The following STXBP3 variants were observed in gnomAD, a reference collection of about 807,000 sequenced individuals.
The protein encoded by STXBP3 is syntaxin-binding protein 3.
In STXBP3, 41 loss-of-function variants were observed where a neutral mutation model predicts 85.7. That is an observed-to-expected ratio of 0.48 (90% confidence interval 0.37 to 0.62). The LOEUF is 0.62. Among genes scored for constraint, STXBP3 ranks in the 20% least tolerant of loss-of-function variants. The probability of loss-of-function intolerance (pLI) is 0.00; values close to 1 mark genes in which losing one functional copy is unlikely to be tolerated. For synonymous variants in STXBP3, 229 were observed against 231.7 expected (o/e 0.99, Z 0.10); for missense variants, 563 against 703.1 (o/e 0.80, Z 2.25).
intron 6 of STXBP3, among the ~76,000 whole-genome samples, chr1:108,765,591 T>TC (rs796776386): frequency 8.2e-6 from 1 of 122,654 alleles, no homozygotes. Context: ...TTTTTTTTTT[T>TC]TGAGACGGAG....
In STXBP3 at chr1:108,793,617, G is replaced by T; in HGVS notation, c.999G>T (p.Lys333Asn). The T allele has an allele frequency of 6.2e-7, 1 of 1,612,274 alleles. No individual in the cohort carries two copies. The highest frequency in any genetic ancestry group is 8.5e-7 in the Non-Finnish European group (1 of 1,178,902). The change falls in exon 12 of 19, where the codon AAG (lysine) becomes AAT (asparagine). Residue 333 changes from lysine (K) to asparagine (N), a missense_variant. Coordinates refer to ENST00000370008, the MANE Select transcript of STXBP3 (RefSeq NM_007269.4). ...SLSALTQLMK[K>N]MPHFRKQITK... ...GTGCTCTTACCCAGCTGATGAAAAA[G>T]ATGCCCCATTTCCGAAAACAGATTA...
chr1:108,778,690 T>TTATA (rs5776947), intron 8 of STXBP3, among the ~76,000 whole-genome samples: 110,289 of 151,910 alleles, frequency 0.73, 41,070 homozygotes, highest in African/African-American at 0.78. Context: ...TATTCATAAT[T>TTATA]TAAGTTTTAG....
chr1:108,762,837 C>T (rs1344217155), intron 6 of STXBP3, among the ~76,000 whole-genome samples: 2 of 152,180 alleles, frequency 1.3e-5, no homozygotes, highest in Non-Finnish European at 2.9e-5. Context: ...CTCAGCATCA[C>T]ATGCCAACCA....
chr1:108,778,402 T>C (rs1385224745), intron 8 of STXBP3, among the ~76,000 whole-genome samples: 1 of 152,210 alleles, frequency 6.6e-6, no homozygotes, highest in Non-Finnish European at 1.5e-5. Flanking sequence ...AAGGCTTTCA[T>C]TGTGATTTAT....
intron 5 of STXBP3, 63 bp from the exon 6 acceptor site, chr1:108,759,922 T>G: frequency 1.0e-6 from 1 of 988,708 alleles, no homozygotes; most frequent in Non-Finnish European, 1.5e-6. Flanking sequence ...GATGTTGGAA[T>G]GATTTATTTA....
chr1:108,776,984 G>A (rs943116275), intron 8 of STXBP3, among the ~76,000 whole-genome samples: 6 of 152,102 alleles, frequency 3.9e-5, no homozygotes, highest in Non-Finnish European at 8.8e-5. Context: ...TTTAATAAAT[G>A]GCAGCCATTG....
chr1:108,781,367 C>G (rs1452897753), intron 9 of STXBP3: 1 of 152,134 alleles, frequency 6.6e-6, no homozygotes, highest in African/African-American at 2.4e-5. Flanking sequence ...CTGATCTTGA[C>G]TCAGGAAATC....
intron 8 of STXBP3, among the ~76,000 whole-genome samples, chr1:108,779,018 T>C (rs1662656293): frequency 6.6e-6 from 1 of 152,212 alleles, no homozygotes; most frequent in African/African-American, 2.4e-5. Flanking sequence ...AGTTATTAAA[T>C]ATACCCTCTT....
intron 11 of STXBP3, among the ~76,000 whole-genome samples, chr1:108,789,945 G>A (rs1201512036): frequency 1.3e-5 from 2 of 150,330 alleles, no homozygotes; most frequent in African/African-American, 4.9e-5. Flanking sequence ...ACACACCTGT[G>A]GCTCCAGCTA....
chr1:108,792,870 TC>T lies in STXBP3; in HGVS notation c.964-709del, dbSNP rs539525906. ...TTTTGCACTGAGTCCTAAGGCATAGTCCCAGGACTGAATGTGTAGGATGTTC... is the reference window on the plus strand; with the variant it reads ...TTTTGCACTGAGTCCTAAGGCATAGTCCAGGACTGAATGTGTAGGATGTTC... On this transcript the variant is annotated intron_variant, in intron 11 of 18. Coordinates refer to ENST00000370008, the MANE Select transcript of STXBP3 (RefSeq NM_007269.4). Among the ~76,000 whole-genome samples, 55 of 152,316 alleles carry T rather than the reference TC, an allele frequency of 3.6e-4. 1 individual carries two copies. In the East Asian group the frequency reaches 9.8e-3, roughly 27 times the overall value.
At chr1:108,767,487 T>A (rs1464352162) in intron 6 of STXBP3, 1 of 185,640 alleles carries the variant, frequency 5.4e-6, no homozygotes, top group Non-Finnish European at 1.1e-5. Flanking sequence ...TTGTAAGAGC[T>A]TTATTGCCTC....
intron 16 of STXBP3, among the ~76,000 whole-genome samples, 172 bp from the exon 17 acceptor site, chr1:108,800,048 T>C (rs923654151): frequency 6.6e-6 from 1 of 152,192 alleles, no homozygotes; most frequent in Non-Finnish European, 1.5e-5. Context: ...GTAAATGATT[T>C]CACTGATTTT....
intron 4 of STXBP3, among the ~76,000 whole-genome samples, chr1:108,757,425 C>A (rs957902214): frequency 6.6e-6 from 1 of 151,976 alleles, no homozygotes; most frequent in Non-Finnish European, 1.5e-5. Context: ...CAAAAAGATA[C>A]ACACTTTTTA....
chr1:108,788,764 A>G (rs1321657841), intron 11 of STXBP3, among the ~76,000 whole-genome samples: 1 of 152,124 alleles, frequency 6.6e-6, no homozygotes, highest in East Asian at 1.9e-4. Context: ...CCTATATATT[A>G]TTAATATCCC....
At position 108,793,945 on chromosome 1, in the gene STXBP3, G is replaced by T. The variant is rs560147926; in HGVS notation, c.1029+298G>T. 1.2e-4 allele frequency among the ~76,000 whole-genome samples: 18 copies of T among 152,230 alleles called. No individual in the cohort carries two copies. The South Asian group carries it at 3.5e-3, about 30-fold the overall frequency. ...AAATTCAGCACTAGATTGACTAGTGGATGTTATTCTACATGTTTCTTTAAA... is the reference window on the plus strand; with the variant it reads ...AAATTCAGCACTAGATTGACTAGTGTATGTTATTCTACATGTTTCTTTAAA... On this transcript the variant is annotated intron_variant, in intron 12 of 18. Transcript: ENST00000370008.
At chr1:108,778,501 T>G (rs1662636041) in intron 8 of STXBP3, among the ~76,000 whole-genome samples, 1 of 152,210 alleles carries the variant, frequency 6.6e-6, no homozygotes, top group South Asian at 2.1e-4. Context: ...GAATCTCCAT[T>G]CTGCCTCTTA....
chr1:108,804,861 G>T (rs1214450157), intron 17 of STXBP3, among the ~76,000 whole-genome samples: 1 of 152,134 alleles, frequency 6.6e-6, no homozygotes, highest in Non-Finnish European at 1.5e-5. Flanking sequence ...CCAGGGCTCG[G>T]CCCCTTGTTT....
intron 1 of STXBP3, 72 bp from the exon 2 acceptor site, chr1:108,752,185 C>A: frequency 7.2e-7 from 1 of 1,381,002 alleles, no homozygotes. Context: ...TTTCCTTAGC[C>A]ATTTTGGACC....
intron 18 of STXBP3, 85 bp downstream of exon 18, chr1:108,807,634 T>C: frequency 7.1e-7 from 1 of 1,415,600 alleles, no homozygotes; most frequent in Non-Finnish European, 9.5e-7. Flanking sequence ...TGGAGTGGAA[T>C]GGCGCAATCT....
Sources: gnomAD v4.1 joint callset for allele counts (sites outside exome capture counted in the v4.1 genomes callset) on GRCh38, gnomAD v4.1.1 for gene constraint, MANE v1.5 for transcripts, NCBI Gene and HGNC (gene_info 2026-07-23, HGNC 2026-07-21) for gene names.